The following DNAH6 variants were observed in gnomAD, a reference collection of about 807,000 sequenced individuals.
DNAH6 encodes the protein axonemal beta dynein heavy chain 6.
A neutral mutation model predicts 491.4 loss-of-function variants in DNAH6; 340 were observed. The observed-to-expected ratio is 0.69, with a 90% CI of 0.63 to 0.76. The LOEUF (loss-of-function observed/expected upper bound fraction) is 0.76, where lower values mean the gene tolerates loss of function less well. Ranked by LOEUF, DNAH6 falls within the 30% of genes least tolerant of loss-of-function variation. The pLI, the probability that DNAH6 is intolerant of heterozygous loss-of-function variation, is 0.00. For missense variants in DNAH6, 4,443 were observed against 4,972.2 expected, an observed-to-expected ratio of 0.89 and a Z score of 3.20; for synonymous variants, 1,603 against 1,686.1, an observed-to-expected ratio of 0.95 and a Z score of 1.21.
chr2:84,805,560 TG>T, intron 70 of DNAH6, 104 bp from the exon 71 acceptor site: 1 of 1,002,914 alleles, frequency 1.0e-6, no homozygotes, highest in Non-Finnish European at 1.4e-6. Flanking sequence ...ATAAATAATA[TG>T]GTTTTAGAGA....
intron 35 of DNAH6, among the ~76,000 whole-genome samples, chr2:84,656,908 A>T (rs1691026217): frequency 6.6e-6 from 1 of 152,042 alleles, no homozygotes; most frequent in South Asian, 2.1e-4. Flanking sequence ...CTAAAAAGTC[A>T]TCACCAAGCC....
rs189098995 is a variant in DNAH6, at chr2:84,659,774, G to A, written c.6084+605G>A. 2.2e-4 allele frequency among the ~76,000 whole-genome samples: 33 copies of A among 152,226 alleles called. 1 individual carries two copies. The highest frequency in any genetic ancestry group is 6.5e-4 in the African/African-American group (27 of 41,532). On this transcript the variant is annotated intron_variant, in intron 37 of 76. Coordinates refer to ENST00000389394, the MANE Select transcript of DNAH6 (RefSeq NM_001370.2). ...AGGCAAGAGGGTCACTTGAGGCCAGGAGTTTGAGACCAGCCTGTGCAATAT... is the reference window on the plus strand; with the variant it reads ...AGGCAAGAGGGTCACTTGAGGCCAGAAGTTTGAGACCAGCCTGTGCAATAT...
intron 14 of DNAH6, 40 bp from the exon 15 acceptor site, chr2:84,583,959 A>T: frequency 2.5e-6 from 4 of 1,603,050 alleles, no homozygotes; most frequent in Non-Finnish European, 3.4e-6. Flanking sequence ...CTAAACTAGG[A>T]TTCTGCTACA....
upstream of DNAH6, among the ~76,000 whole-genome samples, chr2:84,513,843 C>T (rs1675425310): frequency 6.6e-6 from 1 of 151,956 alleles, no homozygotes; most frequent in Non-Finnish European, 1.5e-5. Flanking sequence ...CTCCTAAATT[C>T]CTGGGGGAGA....
At chr2:84,634,307 A>T (rs1688667439) in intron 29 of DNAH6, among the ~76,000 whole-genome samples, 197 bp from the exon 30 acceptor site, 1 of 152,224 alleles carries the variant, frequency 6.6e-6, no homozygotes, top group African/African-American at 2.4e-5. Context: ...AACAGATTCA[A>T]ATCACTTAGA....
intron 3 of DNAH6, among the ~76,000 whole-genome samples, chr2:84,527,888 A>G (rs1446623406): frequency 6.6e-6 from 1 of 152,242 alleles, no homozygotes; most frequent in African/African-American, 2.4e-5. Context: ...TTAATAGGCA[A>G]TAAAATACTC....
intron 62 of DNAH6, 127 bp downstream of exon 62, chr2:84,733,706 A>G: frequency 1.1e-6 from 1 of 907,550 alleles, no homozygotes; most frequent in East Asian, 2.7e-5. Context: ...CATTTCTAAG[A>G]AACTGTAAAT....
chr2:84,664,376 T>A (rs1691857828), intron 37 of DNAH6, among the ~76,000 whole-genome samples: 1 of 151,914 alleles, frequency 6.6e-6, no homozygotes, highest in African/African-American at 2.4e-5. Context: ...AAGACACACA[T>A]AGGCTCAAAA....
chr2:84,688,720 AC>A, intron 45 of DNAH6, 127 bp downstream of exon 45: 1 of 690,394 alleles, frequency 1.4e-6, no homozygotes, highest in Non-Finnish European at 2.3e-6. Context: ...ATTAACTCTC[AC>A]CATAACTTAA....
At chr2:84,777,635 T>A in intron 64 of DNAH6, 1 of 804,930 alleles carries the variant, frequency 1.2e-6, no homozygotes, top group Non-Finnish European at 2.3e-6. Flanking sequence ...ATCAGCAACA[T>A]TCACTCCACT....
chr2:84,583,934 G>A, intron 14 of DNAH6, 65 bp from the exon 15 acceptor site: 1 of 1,553,226 alleles, frequency 6.4e-7, no homozygotes, highest in African/African-American at 1.4e-5. Context: ...TCTCCTGTTA[G>A]AACAAACTTC....
At position 84,632,934 on chromosome 2, in the gene DNAH6, T is replaced by C. The variant is rs541244791; in HGVS notation, c.4516-1570T>C. Among the ~76,000 whole-genome samples the C allele has an allele frequency of 1.5e-3, 224 of 152,334 alleles. 4 individuals are homozygous for C. The South Asian group carries it at 0.046, about 31-fold the overall frequency. On this transcript the variant is annotated intron_variant, in intron 29 of 76. Coordinates refer to ENST00000389394, the MANE Select transcript of DNAH6 (RefSeq NM_001370.2). ...TTATTCTTCTCATTCTTTCTCTTTC[T>C]TGAATCTTCACCTATTGGTTCATAA... is the stretch of plus-strand genomic sequence containing the variant.
At chr2:84,770,823 A>AAAAT in intron 64 of DNAH6, among the ~76,000 whole-genome samples, 1 of 151,802 alleles carries the variant, frequency 6.6e-6, no homozygotes, top group South Asian at 2.1e-4. Context: ...CCTCTACAAA[A>AAAAT]AATAATAATA....
At chr2:84,735,124 C>T (rs1699431031) in intron 62 of DNAH6, among the ~76,000 whole-genome samples, 1 of 152,130 alleles carries the variant, frequency 6.6e-6, no homozygotes, top group South Asian at 2.1e-4. Context: ...ATGTTTAGCT[C>T]CCACTTGTAA....
intron 76 of DNAH6, among the ~76,000 whole-genome samples, chr2:84,816,875 A>T (rs1206525948): frequency 6.6e-6 from 1 of 152,222 alleles, no homozygotes; most frequent in Non-Finnish European, 1.5e-5. Context: ...GAATGAGAAG[A>T]GAGAATGAAC....
chr2:84,706,878 GT>G lies in DNAH6; in HGVS notation c.8728-16del. 6.5e-7 allele frequency: 1 copy of G among 1,531,160 alleles called. No homozygotes were observed. The highest frequency in any genetic ancestry group is 1.3e-5 in the South Asian group (1 of 78,262). 94.8% of individuals were successfully genotyped at this position (1,531,160 alleles called of 1,614,324 possible). On this transcript the variant is annotated splice_polypyrimidine_tract_variant and intron_variant, in intron 52 of 76. Coordinates refer to ENST00000389394, the MANE Select transcript of DNAH6 (RefSeq NM_001370.2). The stretch of plus-strand genomic sequence containing the variant: ...CTTTTTTTGGCCCTGTTCTTAAACA[GT>G]TGCTTGATTTTATTAGGCTGAACTT...
At chr2:84,611,976 T>C in intron 22 of DNAH6, 122 bp downstream of exon 22, 1 of 834,126 alleles carries the variant, frequency 1.2e-6, no homozygotes, top group Non-Finnish European at 1.8e-6. Flanking sequence ...AACCCTTGAT[T>C]CTAGTCAGCA....
At chr2:84,706,579 A>G (rs907040780) in intron 52 of DNAH6, among the ~76,000 whole-genome samples, 2 of 152,222 alleles carry the variant, frequency 1.3e-5, no homozygotes, top group African/African-American at 4.8e-5. Flanking sequence ...CCACTATGGC[A>G]TGAATATTTA....
intron 11 of DNAH6, among the ~76,000 whole-genome samples, chr2:84,562,188 A>G (rs1680750082): frequency 6.6e-6 from 1 of 152,162 alleles, no homozygotes; most frequent in African/African-American, 2.4e-5. Context: ...AAATCAAAGT[A>G]TGAAAGGTTA....
Sources: gnomAD v4.1 joint callset for allele counts (sites outside exome capture counted in the v4.1 genomes callset) on GRCh38, gnomAD v4.1.1 for gene constraint, MANE v1.5 for transcripts, NCBI Gene and HGNC (gene_info 2026-07-23, HGNC 2026-07-21) for gene names.